Variants in TMEM44 observed in about 807,000 individuals in gnomAD.
The protein encoded by TMEM44 is transmembrane protein 44.
TMEM44 carries 43 observed loss-of-function variants against 47.8 expected under a neutral mutation model. The ratio of observed to expected loss-of-function variants is 0.90; its 90% CI spans 0.70 to 1.16. The LOEUF is 1.16. TMEM44 is among the 50% of genes most tolerant of loss of function. TMEM44 has a pLI of 0.00. For synonymous variants in TMEM44, 277 were observed against 238.8 expected (o/e 1.16, Z -1.48); for missense variants, 568 against 555.2 (o/e 1.02, Z -0.23).
intron 5 of TMEM44, among the ~76,000 whole-genome samples, chr3:194,620,289 C>CAAAAAA (rs752649203): frequency 3.6e-5 from 2 of 55,018 alleles, no homozygotes; most frequent in South Asian, 5.9e-4. Flanking sequence ...AACTCCGACT[C>CAAAAAA]AAAAAAAAAA....
intron 9 of TMEM44, among the ~76,000 whole-genome samples, chr3:194,602,602 C>CAAA (rs57532938): frequency 3.5e-5 from 5 of 143,312 alleles, no homozygotes; most frequent in African/African-American, 1.0e-4. Context: ...AACTCCTTCT[C>CAAA]AAAAAAAAAA....
chr3:194,590,349 G>C (rs900940466), intron 9 of TMEM44: 1 of 152,250 alleles, frequency 6.6e-6, no homozygotes, highest in African/African-American at 2.4e-5. Context: ...CAGTGACTGG[G>C]TTTGGGCAGC....
At position 194,588,615 on chromosome 3, in the gene TMEM44, C is replaced by G. The variant is rs183848229; in HGVS notation, c.1201G>C (p.Glu401Gln). 1 of 1,614,158 alleles carries G rather than the reference C, an allele frequency of 6.2e-7. No homozygotes were observed. The highest frequency in any genetic ancestry group is 8.5e-7 in the Non-Finnish European group (1 of 1,180,042). Reference protein sequence around the residue: ...LEWDPEDVNLEGSKENVELLG... With the variant: ...LEWDPEDVNLQGSKENVELLG... ...AGCTCCACATTTTCTTTGCTGCCTT[C>G]GAGGTTCACATCTTCAGGGTCCCAC... The change falls in exon 10 of 10, where the codon GAA (glutamate) becomes CAA (glutamine). Residue 401 changes from glutamate (E) to glutamine (Q), a missense_variant. Physicochemically the swap from Glu to Gln is conservative, Grantham distance 29. Coordinates refer to ENST00000347147, the MANE Select transcript of TMEM44 (RefSeq NM_001011655.3).
At chr3:194,614,026 G>A (rs1488344543) in intron 7 of TMEM44, among the ~76,000 whole-genome samples, 4 of 152,008 alleles carry the variant, frequency 2.6e-5, no homozygotes, top group African/African-American at 9.7e-5. Flanking sequence ...GGAGGCTGAG[G>A]CAGGAGAATC....
intron 7 of TMEM44, among the ~76,000 whole-genome samples, chr3:194,615,279 G>A (rs1378835883): frequency 6.6e-6 from 1 of 151,850 alleles, no homozygotes; most frequent in Non-Finnish European, 1.5e-5. Context: ...AAAATAAAGC[G>A]ACCAACTGGG....
At position 194,610,906 on chromosome 3, in the gene TMEM44, G is replaced by A. The variant is rs1715251926; in HGVS notation, c.1017+10C>T. ...TCTCAGACACCTGGCCATGACCGAT[G>A]GCCACTCACCTGCTGCACAGGCTCG... On this transcript the variant is annotated intron_variant, in intron 8 of 9. Transcript: ENST00000347147. 6.2e-7 allele frequency: 1 copy of A among 1,611,146 alleles called. No individual in the cohort carries two copies. Among genetic ancestry groups the A allele is most frequent in the Non-Finnish European group, 8.5e-7 (1 of 1,178,428 alleles).
intron 5 of TMEM44, among the ~76,000 whole-genome samples, chr3:194,618,511 ATTATAT>A (rs1467132129): frequency 6.8e-6 from 1 of 147,880 alleles, no homozygotes. Flanking sequence ...ATATATACAA[ATTATAT>A]TTATATAATT....
chr3:194,630,085 C>T (rs1717631901), intron 1 of TMEM44, among the ~76,000 whole-genome samples: 1 of 115,226 alleles, frequency 8.7e-6, no homozygotes, highest in Non-Finnish European at 1.8e-5. Flanking sequence ...TACCTGCCTC[C>T]CGAAGGGGCT....
chr3:194,592,314 G>C (rs751979339), intron 9 of TMEM44, among the ~76,000 whole-genome samples: 5 of 152,202 alleles, frequency 3.3e-5, no homozygotes, highest in Non-Finnish European at 5.9e-5. Context: ...ACAATCCTGG[G>C]AGATGACAGG....
chr3:194,626,399 A>G (rs1454897080), intron 2 of TMEM44, among the ~76,000 whole-genome samples: 1 of 152,206 alleles, frequency 6.6e-6, no homozygotes, highest in Non-Finnish European at 1.5e-5. Flanking sequence ...AGGTTACTTG[A>G]GACAGTACAT....
In TMEM44 at chr3:194,617,127, G is replaced by A. The variant is rs764794395; in HGVS notation, c.755C>T (p.Ser252Phe). 48 of 1,557,812 alleles carry A rather than the reference G, an allele frequency of 3.1e-5. No homozygotes were observed. Among genetic ancestry groups the A allele is most frequent in the Non-Finnish European group, 3.9e-5 (45 of 1,151,874 alleles). ...LLRATPWFLT[S>F]LGRAALDLAI... ...GAGGTCCAGTGCCGCACGGCCGAGG[G>A]AGGTCAGGAACCAGGGTGTGGCCCG... Residue 252 changes from serine (S) to phenylalanine (F), a missense_variant, in exon 6 of 10, where the codon TCC becomes TTC. Transcript: ENST00000347147.
intron 9 of TMEM44, 86 bp from the exon 10 acceptor site, chr3:194,588,725 C>A: frequency 1.5e-6 from 2 of 1,314,880 alleles, no homozygotes; most frequent in Non-Finnish European, 2.2e-6. Context: ...ACAAAAGCTC[C>A]AATCTTGGTT....
At chr3:194,620,304 A>AG (rs1373682890) in intron 5 of TMEM44, among the ~76,000 whole-genome samples, 1 of 151,546 alleles carries the variant, frequency 6.6e-6, no homozygotes, top group African/African-American at 2.4e-5. Flanking sequence ...AAAAAAAAAA[A>AG]AAAAAAAATA....
chr3:194,621,584 G>A (rs1716540017), intron 5 of TMEM44, among the ~76,000 whole-genome samples: 1 of 152,178 alleles, frequency 6.6e-6, no homozygotes, highest in African/African-American at 2.4e-5. Flanking sequence ...TGAGGCCCAG[G>A]CCCTGCGAGG....
chr3:194,604,329 G>C lies in TMEM44; in HGVS notation c.1134C>G (p.Ser378=). The C allele has an allele frequency of 6.3e-7, 1 of 1,579,528 alleles. No individual in the cohort carries two copies. Among genetic ancestry groups the C allele is most frequent in the Non-Finnish European group, 8.6e-7 (1 of 1,163,240 alleles). The stretch of plus-strand genomic sequence containing the variant: ...TGGAGGAGACCTCAGAGGAGCTGCC[G>C]GAAGACACCCGGGCCCGGATGACCT... The part of the protein sequence containing the change: ...PVQVIRARVS[S]GSSSEVSSIN... The change falls in exon 9 of 10, where the codon TCC becomes TCG. Residue 378 remains serine (S), a synonymous_variant. Coordinates refer to ENST00000347147, the MANE Select transcript of TMEM44 (RefSeq NM_001011655.3).
At chr3:194,594,121 A>T (rs566789614) in intron 9 of TMEM44, among the ~76,000 whole-genome samples, 968 of 70,534 alleles carry the variant, frequency 0.014, 5 homozygotes, top group South Asian at 0.057. Context: ...CTAATTTTCT[A>T]TCTATCTATC....
In TMEM44 at chr3:194,633,131, A is replaced by C; in HGVS notation, c.85T>G (p.Ser29Ala). Residue 29 changes from serine (S) to alanine (A), a missense_variant, in exon 1 of 10, where the codon TCC (serine) becomes GCC (alanine). Ser to Ala is a moderately conservative substitution (Grantham distance 99). Transcript: ENST00000347147. ...GAGGCGCAGATCCACAGGCCGAAGGAGATGCAGACGCGGTGGCGGGCGAAG... is the reference window on the plus strand; with the variant it reads ...GAGGCGCAGATCCACAGGCCGAAGGCGATGCAGACGCGGTGGCGGGCGAAG... ...RCFARHRVCI[S>A]FGLWICASSC... is the part of the protein sequence containing the mutation. The C allele has an allele frequency of 6.4e-7, 1 of 1,551,716 alleles. No individual in the cohort carries two copies. Among genetic ancestry groups the C allele is most frequent in the Non-Finnish European group, 8.7e-7 (1 of 1,148,186 alleles).
intron 1 of TMEM44, among the ~76,000 whole-genome samples, chr3:194,632,311 C>A (rs904920440): frequency 6.6e-5 from 10 of 152,216 alleles, no homozygotes; most frequent in African/African-American, 2.2e-4. Context: ...GGAGAATATC[C>A]ACTGAGTGCC....
intron 9 of TMEM44, among the ~76,000 whole-genome samples, chr3:194,591,967 C>T (rs917903799): frequency 6.6e-6 from 1 of 152,058 alleles, no homozygotes; most frequent in African/African-American, 2.4e-5. Flanking sequence ...GCCTGTAATC[C>T]CAGCACTTTG....
Sources: allele counts gnomAD v4.1 joint callset (sites outside exome capture counted in the v4.1 genomes callset), GRCh38; gene constraint gnomAD v4.1.1; transcripts MANE v1.5; gene names NCBI Gene and HGNC (gene_info 2026-07-23, HGNC 2026-07-21).